Variants in FHDC1 observed in about 807,000 individuals in gnomAD.
FHDC1 encodes the protein FH2 domain containing 1, also known as FH2 domain-containing protein 1.
In FHDC1, 25 loss-of-function variants were observed where a neutral mutation model predicts 52.6. The observed-to-expected ratio is 0.48, with a 90% CI of 0.35 to 0.66. FHDC1 has a LOEUF of 0.66. Ranked by LOEUF, FHDC1 falls within the 30% of genes least tolerant of loss-of-function variation. FHDC1 has a pLI of 0.01. For synonymous variants in FHDC1, 616 were observed against 581.5 expected (o/e 1.06, Z -0.85); for missense variants, 1,459 against 1,452.8 (o/e 1.00, Z -0.07).
chr4:152,935,264 G>A (rs1739329244), upstream of FHDC1, among the ~76,000 whole-genome samples: 1 of 152,200 alleles, frequency 6.6e-6, no homozygotes, highest in Non-Finnish European at 1.5e-5. Flanking sequence ...CAGGATGGAG[G>A]AAGCAAAAGG....
Position 152,975,777 on chromosome 4 carries a change from C to A in FHDC1, c.2486C>A (p.Pro829His). The change falls in exon 12 of 12, where the codon CCT becomes CAT. Residue 829 changes from proline to histidine, a missense_variant. Physicochemically the swap from Pro to His is moderately conservative, Grantham distance 77. Transcript: ENST00000511601. ...QVSSNPTSSP[P>H]GEAPAPVSVD... is the part of the protein sequence containing the mutation. ...TCCTCCAACCCTACATCCAGCCCCC[C>A]TGGGGAGGCTCCTGCCCCCGTCTCT... 1.3e-6 allele frequency: 2 copies of A among 1,554,362 alleles called. No individual in the cohort carries two copies. Among genetic ancestry groups the A allele is most frequent in the Non-Finnish European group, 1.7e-6 (2 of 1,149,028 alleles).
intron 6 of FHDC1, among the ~76,000 whole-genome samples, chr4:152,961,439 T>G (rs1579095627): frequency 1.3e-5 from 2 of 152,370 alleles, no homozygotes; most frequent in East Asian, 3.9e-4. Context: ...AAAAACTCTT[T>G]AAATTCTTGC....
At chr4:152,961,814 T>C (rs1309875869) in intron 6 of FHDC1, among the ~76,000 whole-genome samples, 1 of 152,212 alleles carries the variant, frequency 6.6e-6, no homozygotes, top group African/African-American at 2.4e-5. Context: ...TTTTTAAAAA[T>C]TTCAACATAG....
At chr4:152,967,313 A>G (rs767652385) in intron 9 of FHDC1, among the ~76,000 whole-genome samples, 5 of 152,102 alleles carry the variant, frequency 3.3e-5, no homozygotes, top group Non-Finnish European at 7.4e-5. Flanking sequence ...TATAATCCCA[A>G]CTACTCTGGA....
At chr4:152,917,820 C>G in the FHDC1 span, among the ~76,000 whole-genome samples, 3 of 152,162 alleles carry the variant, frequency 2.0e-5, no homozygotes, top group Admixed American at 1.3e-4. Context: ...TGGGCACTAA[C>G]AATTTCTTTT....
At chr4:152,924,390 G>A in the FHDC1 span, among the ~76,000 whole-genome samples, 334 of 152,282 alleles carry the variant, frequency 2.2e-3, 2 homozygotes, top group African/African-American at 7.5e-3. Flanking sequence ...GGAGAAATAG[G>A]AACACTTTTA....
At chr4:152,933,880 C>T (rs2149929943), upstream of FHDC1, among the ~76,000 whole-genome samples, 1 of 152,138 alleles carries the variant, frequency 6.6e-6, no homozygotes, top group East Asian at 1.9e-4. Context: ...TGCCTTCTTC[C>T]TGTAGGAGCA....
At chr4:152,960,478 T>C in intron 4 of FHDC1, 87 bp from the exon 5 acceptor site, 1 of 1,160,312 alleles carries the variant, frequency 8.6e-7, no homozygotes, top group Non-Finnish European at 1.2e-6. Flanking sequence ...CCTATTTTTT[T>C]AGAAGAATTG....
At position 152,977,599 on chromosome 4, in the gene FHDC1, C is replaced by G. The variant is rs539950985; in HGVS notation, c.*876C>G. Reference sequence around the variant, plus strand: ...CTGGGACTACAGGCGTGCACCACCACGCCTGGTTAATTGTTTTTTTTTAAT... The same window carrying G: ...CTGGGACTACAGGCGTGCACCACCAGGCCTGGTTAATTGTTTTTTTTTAAT... On this transcript the variant is annotated 3_prime_UTR_variant, in exon 12 of 12. Transcript: ENST00000511601. The G allele has an allele frequency of 6.6e-6, 1 of 152,020 alleles. No homozygotes were observed. Among genetic ancestry groups the G allele is most frequent in the Admixed American group, 6.6e-5 (1 of 15,258 alleles). 9.4% of individuals were successfully genotyped at this position (152,020 alleles called of 1,614,324 possible). A position where few individuals can be genotyped will look rare whatever the true frequency, so the allele number is the denominator to read the frequency against.
chr4:152,925,630 C>T, the FHDC1 span, among the ~76,000 whole-genome samples: 1 of 151,928 alleles, frequency 6.6e-6, no homozygotes, highest in Non-Finnish European at 1.5e-5. Flanking sequence ...CTCCTCTGGA[C>T]TGAGCCCACA....
At chr4:152,925,323 CTT>C in the FHDC1 span, among the ~76,000 whole-genome samples, 2 of 152,090 alleles carry the variant, frequency 1.3e-5, no homozygotes, top group African/African-American at 4.8e-5. Flanking sequence ...AGAAGTAGAT[CTT>C]TTAGGTTCAT....
chr4:152,941,003 A>G (rs1456797650), intron 1 of FHDC1, among the ~76,000 whole-genome samples: 1 of 152,160 alleles, frequency 6.6e-6, no homozygotes, highest in Admixed American at 6.5e-5. Context: ...AATATTTTCT[A>G]TTTTACTTAT....
intron 1 of FHDC1, among the ~76,000 whole-genome samples, chr4:152,942,278 C>T (rs12501601): frequency 0.037 from 5,583 of 152,236 alleles, 153 homozygotes; most frequent in South Asian, 0.078. Flanking sequence ...AGTGACTTGT[C>T]TAAAACTATA....
chr4:152,963,091 A>G lies in FHDC1; in HGVS notation c.990A>G (p.Ala330=). Residue 330 remains alanine, a synonymous_variant, in exon 8 of 12, where the codon GCA becomes GCG. Transcript: ENST00000511601. ...SSLLKLADTK[A]NKPGMNLLHF... ...TGCTCAAATTGGCAGACACAAAAGC[A>G]AACAAACCTGGGATGAATCTCCTGC... The G allele has an allele frequency of 6.2e-7, 1 of 1,614,154 alleles. No individual in the cohort carries two copies. Among genetic ancestry groups the G allele is most frequent in the Non-Finnish European group, 8.5e-7 (1 of 1,180,038 alleles).
chr4:152,951,590 T>A (rs959328185), intron 2 of FHDC1, among the ~76,000 whole-genome samples: 2 of 151,862 alleles, frequency 1.3e-5, no homozygotes, highest in African/African-American at 2.4e-5. Context: ...GGAAGTGACA[T>A]TAACGTTGGT....
chr4:152,953,652 C>A, intron 3 of FHDC1, 92 bp downstream of exon 3: 1 of 1,065,946 alleles, frequency 9.4e-7, no homozygotes, highest in Non-Finnish European at 1.4e-6. Flanking sequence ...TCAAATTCCT[C>A]ACACCTTCAA....
In FHDC1 at chr4:152,944,775, G is replaced by A. The variant is rs1444488927; in HGVS notation, c.498+1220G>A. Among the ~76,000 whole-genome samples, 3 of 152,366 alleles carry A rather than the reference G, an allele frequency of 2.0e-5. No homozygotes were observed. The East Asian group carries it at 5.8e-4, about 29-fold the overall frequency. On this transcript the variant is annotated intron_variant, in intron 2 of 11. Transcript: ENST00000511601. ...GGAAATCTTCATGAGAACCCTTAGTGCCGTCAGTGCTGAACACAGGCTTGC... is the reference window on the plus strand; with the variant it reads ...GGAAATCTTCATGAGAACCCTTAGTACCGTCAGTGCTGAACACAGGCTTGC...
the FHDC1 span, among the ~76,000 whole-genome samples, chr4:152,929,006 G>T: frequency 6.6e-6 from 1 of 151,946 alleles, no homozygotes; most frequent in Non-Finnish European, 1.5e-5. This position sits in a 1 kb window ranked among gnomAD's most constrained non-coding sequence, Gnocchi z 4.1. Flanking sequence ...TTTTGCTAAG[G>T]TTAAGGACAC....
At chr4:152,960,995 G>C (rs535071070) in intron 6 of FHDC1, 151 bp downstream of exon 6, 1 of 516,442 alleles carries the variant, frequency 1.9e-6, no homozygotes, top group Admixed American at 3.8e-5. Flanking sequence ...ATGCACTTAA[G>C]GTTGATTTCC....
Sources: gnomAD v4.1 joint callset for allele counts (sites outside exome capture counted in the v4.1 genomes callset) on GRCh38, gnomAD v4.1.1 for gene constraint, Gnocchi (gnomAD v3.1) non-coding constraint, MANE v1.5 for transcripts, NCBI Gene and HGNC (gene_info 2026-07-23, HGNC 2026-07-21) for gene names.